The following PFKP variants were observed in gnomAD, a reference collection of about 807,000 sequenced individuals.
PFKP encodes ATP-dependent 6-phosphofructokinase, platelet type.
PFKP carries 101 observed loss-of-function variants against 94.3 expected under a neutral mutation model. The ratio of observed to expected loss-of-function variants is 1.07; its 90% CI spans 0.91 to 1.26. The LOEUF (loss-of-function observed/expected upper bound fraction) is 1.26, where lower values mean the gene tolerates loss of function less well. Among genes scored for constraint, PFKP ranks in the 50% most tolerant of loss-of-function variants. The pLI, the probability that PFKP is intolerant of heterozygous loss-of-function variation, is 0.00. For missense variants in PFKP, 1,145 were observed against 1,103.3 expected (o/e 1.04, Z -0.53); for synonymous variants, 573 against 432.6 (o/e 1.32, Z -4.03).
At chr10:3,119,354 T>C (rs7902539) in intron 15 of PFKP, among the ~76,000 whole-genome samples, 69,305 of 152,056 alleles carry the variant, frequency 0.46, 16,473 homozygotes, top group African/African-American at 0.58. Flanking sequence ...GCCTGTAATC[T>C]CAGCACTTTG....
intron 2 of PFKP, among the ~76,000 whole-genome samples, chr10:3,090,747 G>A (rs375377413): frequency 4.6e-5 from 7 of 152,046 alleles, no homozygotes; most frequent in East Asian, 1.9e-4. Flanking sequence ...CTCCAACATC[G>A]GCGAACGTCC....
intron 2 of PFKP, among the ~76,000 whole-genome samples, chr10:3,098,264 C>T (rs374323540): frequency 3.3e-5 from 5 of 152,254 alleles, no homozygotes; most frequent in African/African-American, 1.2e-4. Context: ...GTTATTCCTT[C>T]TTAAGATTAA....
At chr10:3,101,921 C>T (rs1696627331) in intron 4 of PFKP, among the ~76,000 whole-genome samples, 1 of 152,182 alleles carries the variant, frequency 6.6e-6, no homozygotes, top group African/African-American at 2.4e-5. Flanking sequence ...CCTTTCAGCC[C>T]TCACACTGTG....
At chr10:3,122,127 G>T (rs1308387056) in intron 16 of PFKP, among the ~76,000 whole-genome samples, 3 of 152,164 alleles carry the variant, frequency 2.0e-5, no homozygotes, top group Non-Finnish European at 4.4e-5. Context: ...CGGGCCTGAA[G>T]TTAACTGATT....
At chr10:3,121,789 ATTTC>A (rs770729658) in intron 16 of PFKP, among the ~76,000 whole-genome samples, 1 of 61,818 alleles carries the variant, frequency 1.6e-5, no homozygotes, top group African/African-American at 5.6e-5. Context: ...AGGTTAAACA[ATTTC>A]TTTTTTTTTC....
At chr10:3,087,041 C>T (rs999865047) in intron 2 of PFKP, among the ~76,000 whole-genome samples, 1 of 151,966 alleles carries the variant, frequency 6.6e-6, no homozygotes, top group Non-Finnish European at 1.5e-5. Context: ...GGTGTGATCT[C>T]AGCTCACTGC....
At position 3,080,554 on chromosome 10, in the gene PFKP, C is replaced by A. The variant is rs148180362; in HGVS notation, c.113-1834C>A. Among the ~76,000 whole-genome samples, 692 of 141,162 alleles carry A rather than the reference C, an allele frequency of 4.9e-3. 7 individuals carry two copies. The highest frequency in any genetic ancestry group is 0.018 in the African/African-American group (675 of 37,934). The allele number at this position is 141,162 out of a possible 152,430, so 92.6% of individuals were successfully genotyped here. On this transcript the variant is annotated intron_variant, in intron 1 of 21. Coordinates refer to ENST00000381125, the MANE Select transcript of PFKP (RefSeq NM_002627.5). ...AAAAAAAAAAAAGAGAATATTGAAACTGGTATGGAAAACATCTCGGACGTA... is the reference window on the plus strand; with the variant it reads ...AAAAAAAAAAAAGAGAATATTGAAAATGGTATGGAAAACATCTCGGACGTA...
chr10:3,116,743 CT>C lies in PFKP; in HGVS notation c.1372-30del, dbSNP rs759175349. On this transcript the variant is annotated intron_variant, in intron 13 of 21. Transcript: ENST00000381125. ...TTTGCAACTTGCCTTTCATTGTTCACTTTAGCTGTTTCGTTCTGTGTTTGCA... is the reference window on the plus strand; with the variant it reads ...TTTGCAACTTGCCTTTCATTGTTCACTTAGCTGTTTCGTTCTGTGTTTGCA... 21 of 1,554,654 alleles carry C rather than the reference CT, an allele frequency of 1.4e-5. No individual in the cohort carries two copies. The South Asian group carries it at 2.2e-4, about 16-fold the overall frequency.
chr10:3,080,794 T>A (rs960346295), intron 1 of PFKP, among the ~76,000 whole-genome samples: 1 of 152,156 alleles, frequency 6.6e-6, no homozygotes, highest in Non-Finnish European at 1.5e-5. Context: ...ACAGTGTGGC[T>A]CATGTCAGAG....
At position 3,115,331 on chromosome 10, in the gene PFKP, C is replaced by G. The variant is rs36124101; in HGVS notation, c.1372-1445C>G. Among the ~76,000 whole-genome samples, 2 of 93,118 alleles carry G rather than the reference C, an allele frequency of 2.1e-5. 1 individual carries two copies. 61.1% of individuals were successfully genotyped at this position (93,118 alleles called of 152,430 possible). On this transcript the variant is annotated intron_variant, in intron 13 of 21. Transcript: ENST00000381125. ...TGGGGTGAAAGTGTGTGTCCCACGG[C>G]GGAGGACAGGACTGGGGATGCTGGA...
At chr10:3,101,222 T>C in intron 3 of PFKP, 143 bp from the exon 4 acceptor site, 1 of 781,660 alleles carries the variant, frequency 1.3e-6, no homozygotes, top group Non-Finnish European at 2.0e-6. Flanking sequence ...ATCACAGTCT[T>C]TCATAGCTAG....
rs375455593 is a variant in PFKP, at chr10:3,105,535, G to A, written c.774+34G>A. On this transcript the variant is annotated intron_variant, in intron 7 of 21. Coordinates refer to ENST00000381125, the MANE Select transcript of PFKP (RefSeq NM_002627.5). ...GGTCCCGTGGCCGTTGATAGCGGGC[G>A]ATGCTGGCTGCATTGCTTTAATCAG... 2.3e-4 allele frequency: 330 copies of A among 1,406,458 alleles called. 1 individual carries two copies. The highest frequency in any genetic ancestry group is 4.1e-4 in the South Asian group (36 of 87,070). The allele number at this position is 1,406,458 out of a possible 1,614,324, so 87.1% of individuals were successfully genotyped here.
chr10:3,078,630 A>C (rs1564265144), intron 1 of PFKP, among the ~76,000 whole-genome samples: 1 of 152,228 alleles, frequency 6.6e-6, no homozygotes, highest in Non-Finnish European at 1.5e-5. Context: ...AAATGAAATA[A>C]GACTAGGGTT....
At chr10:3,116,867 C>G in intron 14 of PFKP, 21 bp downstream of exon 14, 1 of 1,537,166 alleles carries the variant, frequency 6.5e-7, no homozygotes, top group Non-Finnish European at 9.0e-7. Context: ...AATCTCAACT[C>G]TATGACCTGC....
Position 3,101,522 on chromosome 10 carries a change from G to T in PFKP, c.422G>T (p.Trp141Leu), listed in dbSNP as rs1214400818. Reference sequence around the variant, plus strand: ...GGGGCCAACCTCTTCCGGAAGGAGTGGAGTGGGCTGCTGGAGGAGCTGGCC... The same window carrying T: ...GGGGCCAACCTCTTCCGGAAGGAGTTGAGTGGGCTGCTGGAGGAGCTGGCC... ...LTGANLFRKE[W>L]SGLLEELARN... Residue 141 changes from tryptophan (W) to leucine (L), a missense_variant, in exon 4 of 22, where the codon TGG becomes TTG. Around this residue, in one of 3 missense-constraint regions of PFKP, gnomAD observed 1,119 missense variants for 1,062.8 expected, o/e 1.05. Coordinates refer to ENST00000381125, the MANE Select transcript of PFKP (RefSeq NM_002627.5). The T allele has an allele frequency of 1.3e-6, 2 of 1,570,530 alleles. No individual in the cohort carries two copies. The highest frequency in any genetic ancestry group is 8.6e-7 in the Non-Finnish European group (1 of 1,157,058).
In PFKP at chr10:3,116,312, G is replaced by A. The variant is rs147358841; in HGVS notation, c.1372-464G>A. Among the ~76,000 whole-genome samples the A allele has an allele frequency of 2.8e-3, 421 of 152,256 alleles. 3 individuals carry two copies. Among genetic ancestry groups the A allele is most frequent in the African/African-American group, 9.1e-3 (380 of 41,540 alleles). On this transcript the variant is annotated intron_variant, in intron 13 of 21. Transcript: ENST00000381125. ...TGCGGAGCTGGGGTTCGAGCCCCACGGGTTCTCCTCCTGCAGTCCTGCCGT... is the reference window on the plus strand; with the variant it reads ...TGCGGAGCTGGGGTTCGAGCCCCACAGGTTCTCCTCCTGCAGTCCTGCCGT...
At chr10:3,076,107 A>T (rs1475903867) in intron 1 of PFKP, among the ~76,000 whole-genome samples, 1 of 151,734 alleles carries the variant, frequency 6.6e-6, no homozygotes, top group East Asian at 1.9e-4. Flanking sequence ...ACAATCAATT[A>T]TTGTAGATTA....
chr10:3,104,004 A>G, intron 5 of PFKP, 60 bp downstream of exon 5: 2 of 1,504,968 alleles, frequency 1.3e-6, no homozygotes, highest in Non-Finnish European at 1.8e-6. Context: ...CCCAGCTCAG[A>G]CGTTACCACG....
Position 3,096,849 on chromosome 10 carries a change from C to T in PFKP, c.187-2426C>T, listed in dbSNP as rs573653285. Among the ~76,000 whole-genome samples, 13 of 140,802 alleles carry T rather than the reference C, an allele frequency of 9.2e-5. No individual in the cohort carries two copies. In the South Asian group the frequency reaches 3.1e-3, roughly 33 times the overall value. 92.4% of individuals were successfully genotyped at this position (140,802 alleles called of 152,430 possible). ...ATCCCAGCACTTTGGGAGTCCGAGG[C>T]GGGCGGATCACGAGGTCAGGAGATC... On this transcript the variant is annotated intron_variant, in intron 2 of 21. Coordinates refer to ENST00000381125, the MANE Select transcript of PFKP (RefSeq NM_002627.5).
Sources: allele counts gnomAD v4.1 joint callset (sites outside exome capture counted in the v4.1 genomes callset), GRCh38; gene constraint gnomAD v4.1.1; regional missense constraint gnomAD v4.1.1; transcripts MANE v1.5; gene names NCBI Gene and HGNC (gene_info 2026-07-23, HGNC 2026-07-21).